The following ZNF562 variants were observed in gnomAD, a reference collection of about 807,000 sequenced individuals.
The protein encoded by ZNF562 is zinc finger protein 562.
In ZNF562, 13 loss-of-function variants were observed where a neutral mutation model predicts 17.5. That is an observed-to-expected ratio of 0.74 (90% CI 0.48 to 1.18). The LOEUF is 1.18. Among genes scored for constraint, ZNF562 ranks in the 50% most tolerant of loss-of-function variants. The probability of loss-of-function intolerance (pLI) is 0.00; values close to 1 mark genes in which losing one functional copy is unlikely to be tolerated. For missense variants in ZNF562, 481 were observed against 498.5 expected (o/e 0.96, Z 0.33); for synonymous variants, 163 against 165.4 (o/e 0.99, Z 0.11).
At chr19:9,655,501 C>T (rs2144970817) in intron 5 of ZNF562, among the ~76,000 whole-genome samples, 1 of 152,078 alleles carries the variant, frequency 6.6e-6, no homozygotes, top group East Asian at 1.9e-4. Context: ...GTTTCTTTTT[C>T]ATGCCAACTC....
In ZNF562 at chr19:9,648,920, CAT is replaced by C. The variant is rs1450908621; in HGVS notation, c.*4027_*4028del. 6.6e-6 allele frequency: 1 copy of C among 152,124 alleles called. No individual in the cohort carries two copies. The highest frequency in any genetic ancestry group is 1.9e-4 in the East Asian group (1 of 5,200). The allele number at this position is 152,124 out of a possible 1,614,324, so 9.4% of individuals were successfully genotyped here. A position where few individuals can be genotyped will look rare whatever the true frequency, so the allele number is the denominator to read the frequency against. ...AATAAATTCAAGAGGAATTCAGCCT[CAT>C]AAACTATGAAATATTGGGAAATAAT... On this transcript the variant is annotated 3_prime_UTR_variant, in exon 6 of 6. Transcript: ENST00000453372.
In ZNF562 at chr19:9,671,310, C is replaced by T. The variant is rs564971778; in HGVS notation, c.-131+3705G>A. 2.0e-5 allele frequency among the ~76,000 whole-genome samples: 3 copies of T among 152,084 alleles called. No individual in the cohort carries two copies. The East Asian group carries it at 5.8e-4, about 29-fold the overall frequency. ...AGGGAGTGGGAGATTCTGGGGCCAC[C>T]ATGTCTGTGGGTAAAGATATTCCCT... On this transcript the variant is annotated intron_variant, in intron 1 of 5. Transcript: ENST00000453372.
At chr19:9,669,728 G>GTGCA (rs1555699512) in intron 1 of ZNF562, among the ~76,000 whole-genome samples, 3 of 84,808 alleles carry the variant, frequency 3.5e-5, no homozygotes, top group African/African-American at 1.4e-4. Flanking sequence ...GCGCGCGCGC[G>GTGCA]CGCGCGCACA....
intron 3 of ZNF562, among the ~76,000 whole-genome samples, chr19:9,659,159 A>G (rs2043629588): frequency 6.6e-6 from 1 of 152,252 alleles, no homozygotes; most frequent in African/African-American, 2.4e-5. Context: ...ATGAAGGTCA[A>G]GCTTAAGTAG....
intron 3 of ZNF562, 184 bp from the exon 4 acceptor site, chr19:9,658,319 C>T (rs2043599032): frequency 1.0e-6 from 1 of 985,408 alleles, no homozygotes; most frequent in Non-Finnish European, 1.2e-6. Context: ...CTCCTACAGG[C>T]ATATGCCTTA....
At position 9,646,315 on chromosome 19, in the gene ZNF562, C is replaced by G. The variant is rs983962979; in HGVS notation, c.*6634G>C. On this transcript the variant is annotated 3_prime_UTR_variant, in exon 6 of 6. Coordinates refer to ENST00000453372, the MANE Select transcript of ZNF562 (RefSeq NM_001130031.2). The stretch of plus-strand genomic sequence containing the variant: ...CGAACTCCCGACCTCAGGTGATCAC[C>G]TGCCTTGGCCTCCCAAAGTGCTGTG... 6.6e-6 allele frequency: 1 copy of G among 152,170 alleles called. No individual in the cohort carries two copies. The highest frequency in any genetic ancestry group is 1.5e-5 in the Non-Finnish European group (1 of 68,056). The allele number at this position is 152,170 out of a possible 1,614,324, so 9.4% of individuals were successfully genotyped here.
At chr19:9,656,363 G>T (rs766600172) in intron 5 of ZNF562, among the ~76,000 whole-genome samples, 184 bp downstream of exon 5, 1 of 151,926 alleles carries the variant, frequency 6.6e-6, no homozygotes, top group Non-Finnish European at 1.5e-5. Flanking sequence ...CAATAAATTA[G>T]CTGGGCATGG....
At position 9,643,204 on chromosome 19, in the gene ZNF562, A is replaced by C. The variant is rs2074784563; in HGVS notation, c.*9745T>G. Reference sequence around the variant, plus strand: ...CCCCGCCTCTACTGAAAATACAAAAATTAGCTGGGTGTGGTGGTGCACACC... The same window carrying C: ...CCCCGCCTCTACTGAAAATACAAAACTTAGCTGGGTGTGGTGGTGCACACC... On this transcript the variant is annotated 3_prime_UTR_variant, in exon 6 of 6. Transcript: ENST00000453372. The C allele has an allele frequency of 6.6e-6, 1 of 152,062 alleles. No homozygotes were observed. The highest frequency in any genetic ancestry group is 6.6e-5 in the Admixed American group (1 of 15,252). The allele number at this position is 152,062 out of a possible 1,614,324, so 9.4% of individuals were successfully genotyped here.
intron 1 of ZNF562, among the ~76,000 whole-genome samples, chr19:9,666,590 G>C (rs1358170642): frequency 3.3e-5 from 5 of 151,146 alleles, no homozygotes; most frequent in Admixed American, 6.6e-5. Context: ...CAATACAGAA[G>C]ATCAATAAAA....
intron 1 of ZNF562, among the ~76,000 whole-genome samples, chr19:9,663,893 G>C (rs940851601): frequency 1.3e-5 from 2 of 151,848 alleles, no homozygotes; most frequent in African/African-American, 4.8e-5. Context: ...TGGGATTACA[G>C]GTGCATGCCA....
chr19:9,660,733 A>G lies in ZNF562; in HGVS notation c.12T>C (p.Phe4=), dbSNP rs767768869. Reference sequence around the variant, plus strand: ...ACAAGGACTTACCATGGGACATATCAAAGGCTGACATCCTCTGAAGCTGAT... The same window carrying G: ...ACAAGGACTTACCATGGGACATATCGAAGGCTGACATCCTCTGAAGCTGAT... The part of the protein sequence containing the change: MSA[F]DMSHGFFPRE... The change falls in exon 2 of 6, where the codon TTT becomes TTC. Residue 4 remains phenylalanine, a synonymous_variant. Transcript: ENST00000453372. 6.2e-7 allele frequency: 1 copy of G among 1,613,686 alleles called. No individual in the cohort carries two copies. The highest frequency in any genetic ancestry group is 1.1e-5 in the South Asian group (1 of 91,048).
rs966621105 is a variant in ZNF562, at chr19:9,642,690, A to G, written c.*10259T>C. 5.3e-5 allele frequency: 8 copies of G among 152,164 alleles called. No individual in the cohort carries two copies. The East Asian group carries it at 9.7e-4, about 18-fold the overall frequency. The allele number at this position is 152,164 out of a possible 1,614,324, so 9.4% of individuals were successfully genotyped here. ...TGAACTTTGTATCAAATGGGTAATA[A>G]GACTATGTAACAGGAACAACACAAC... On this transcript the variant is annotated 3_prime_UTR_variant, in exon 6 of 6. Coordinates refer to ENST00000453372, the MANE Select transcript of ZNF562 (RefSeq NM_001130031.2).
intron 1 of ZNF562, among the ~76,000 whole-genome samples, chr19:9,663,947 G>A (rs983050674): frequency 2.0e-5 from 3 of 151,956 alleles, no homozygotes; most frequent in Admixed American, 1.3e-4. Context: ...TAGAGATGGG[G>A]TTTCACAATG....
chr19:9,670,390 C>T (rs1245669005), intron 1 of ZNF562, among the ~76,000 whole-genome samples: 2 of 151,946 alleles, frequency 1.3e-5, no homozygotes, highest in South Asian at 2.1e-4. Context: ...CCTTGTTTAC[C>T]GCAGCACTAC....
rs1394790795 is a variant in ZNF562 at position 9,642,797 on chromosome 19, G to A, written c.*10152C>T. ...CATCCTAGCATTTTGGGAGGCTGAT[G>A]CAGAAGGATAACTTGAACAGGATTT... On this transcript the variant is annotated 3_prime_UTR_variant, in exon 6 of 6. Coordinates refer to ENST00000453372, the MANE Select transcript of ZNF562 (RefSeq NM_001130031.2). 6.6e-6 allele frequency: 1 copy of A among 151,434 alleles called. No homozygotes were observed. Among genetic ancestry groups the A allele is most frequent in the Non-Finnish European group, 1.5e-5 (1 of 67,954 alleles). The allele number at this position is 151,434 out of a possible 1,614,324, so 9.4% of individuals were successfully genotyped here.
rs752590066 is a variant in ZNF562 at position 9,660,669 on chromosome 19, GA to G, written c.25+50del. 1.9e-6 allele frequency: 3 copies of G among 1,600,280 alleles called. No individual in the cohort carries two copies. In the Admixed American group the frequency reaches 5.1e-5, roughly 27 times the overall value. ...CAGCTCACTGGACTCTTATGTTGTG[GA>G]GGGCGACCTAAAGCAGAATCTCTGA... On this transcript the variant is annotated intron_variant, in intron 2 of 5. Coordinates refer to ENST00000453372, the MANE Select transcript of ZNF562 (RefSeq NM_001130031.2).
intron 2 of ZNF562, among the ~76,000 whole-genome samples, chr19:9,659,909 T>C (rs1233946459): frequency 1.9e-5 from 2 of 106,134 alleles, no homozygotes; most frequent in Non-Finnish European, 3.4e-5. Context: ...CTGGCCAACA[T>C]GGCAAAACCC....
At chr19:9,658,281 C>A in intron 3 of ZNF562, 146 bp from the exon 4 acceptor site, 1 of 1,349,416 alleles carries the variant, frequency 7.4e-7, no homozygotes. Flanking sequence ...GTCTCAGGAG[C>A]TCTTGTGTCT....
chr19:9,662,538 G>T (rs562619455), intron 1 of ZNF562, among the ~76,000 whole-genome samples: 1 of 151,056 alleles, frequency 6.6e-6, no homozygotes, highest in East Asian at 2.0e-4. Flanking sequence ...CTCCAGACTG[G>T]GTGACAGAGC....
Sources: allele counts gnomAD v4.1 joint callset (sites outside exome capture counted in the v4.1 genomes callset), GRCh38; gene constraint gnomAD v4.1.1; transcripts MANE v1.5; gene names NCBI Gene and HGNC (gene_info 2026-07-23, HGNC 2026-07-21).